CERT1: variants seen among roughly 807,000 people sequenced by gnomAD.
CERT1 encodes ceramide transporter 1.
In CERT1, 31 loss-of-function variants were observed where a neutral mutation model predicts 87.9. The observed-to-expected ratio is 0.35, with a 90% CI of 0.27 to 0.48. CERT1 has a LOEUF of 0.48. CERT1 is among the 20% of genes least tolerant of loss of function. The pLI is 0.99. For missense variants in CERT1, 487 were observed against 758.0 expected (o/e 0.64, Z 4.20); for synonymous variants, 289 against 250.9 (o/e 1.15, Z -1.44).
chr5:75,447,236 A>G (rs534182937), intron 3 of CERT1, among the ~76,000 whole-genome samples: 8 of 152,222 alleles, frequency 5.3e-5, no homozygotes, highest in Admixed American at 1.3e-4. Context: ...CAGAGTTTCA[A>G]AACAGTTATA....
intron 3 of CERT1, among the ~76,000 whole-genome samples, chr5:75,457,107 T>C (rs1765017045): frequency 6.6e-6 from 1 of 152,202 alleles, no homozygotes; most frequent in South Asian, 2.1e-4. Flanking sequence ...CTGGCCCTGA[T>C]TAAATAACAT....
chr5:75,391,441 A>C (rs1297666861), intron 11 of CERT1, among the ~76,000 whole-genome samples: 1 of 152,236 alleles, frequency 6.6e-6, no homozygotes, highest in East Asian at 1.9e-4. Flanking sequence ...TGTACTAAAT[A>C]AACACTAACA....
chr5:75,418,827 G>A (rs971499762), intron 6 of CERT1, among the ~76,000 whole-genome samples: 1 of 152,216 alleles, frequency 6.6e-6, no homozygotes, highest in African/African-American at 2.4e-5. Context: ...AGGAATGGGG[G>A]AGAGAGGAAT....
At chr5:75,511,731 C>G (rs897130986), upstream of CERT1, 2 of 1,548,488 alleles carry the variant, frequency 1.3e-6, no homozygotes, top group African/African-American at 2.7e-5. Flanking sequence ...ACACGCCGAG[C>G]CTTCGGGATC....
chr5:75,509,011 T>C (rs1580874132), intron 1 of CERT1, among the ~76,000 whole-genome samples: 1 of 152,282 alleles, frequency 6.6e-6, no homozygotes, highest in South Asian at 2.1e-4. Context: ...TTATTGTCTA[T>C]CTAGTATTTT....
At chr5:75,469,309 AATTT>A (rs1326771148) in intron 2 of CERT1, among the ~76,000 whole-genome samples, 5 of 152,186 alleles carry the variant, frequency 3.3e-5, no homozygotes, top group Non-Finnish European at 7.4e-5. Context: ...AAGCTTACGG[AATTT>A]ATGAGATAGC....
At chr5:75,388,504 A>C (rs1217435190) in intron 12 of CERT1, among the ~76,000 whole-genome samples, 1 of 150,796 alleles carries the variant, frequency 6.6e-6, no homozygotes, top group East Asian at 1.9e-4. Context: ...TAATTGTTTC[A>C]AATCACAGAG....
At chr5:75,441,392 A>G (rs900215785) in intron 3 of CERT1, among the ~76,000 whole-genome samples, 7 of 152,300 alleles carry the variant, frequency 4.6e-5, no homozygotes, top group African/African-American at 1.7e-4. Flanking sequence ...ATGCATCTCT[A>G]TTGTTAAGAA....
intron 2 of CERT1, among the ~76,000 whole-genome samples, chr5:75,478,034 C>A (rs1206916400): frequency 6.6e-6 from 1 of 152,048 alleles, no homozygotes; most frequent in Non-Finnish European, 1.5e-5. Context: ...AGGAAGAGGC[C>A]GGGCACAGTG....
rs1022249315 is a variant in CERT1, at chr5:75,382,151, T to C, written c.1489-74A>G. On this transcript the variant is annotated intron_variant, in intron 14 of 16. Transcript: ENST00000643780. ...ACAAGAGAAACGTAATGCCAATAAA[T>C]GTCTTAATTGAAGGTAAAATCTCTC... 5.0e-6 allele frequency: 7 copies of C among 1,389,718 alleles called. No homozygotes were observed. The African/African-American group carries it at 8.7e-5, about 17-fold the overall frequency. The allele number at this position is 1,389,718 out of a possible 1,614,324, so 86.1% of individuals were successfully genotyped here. A position where few individuals can be genotyped will look rare whatever the true frequency, so the allele number is the denominator to read the frequency against.
downstream of CERT1, chr5:75,375,789 C>T (rs1484431090): frequency 6.7e-6 from 1 of 149,490 alleles, no homozygotes; most frequent in Non-Finnish European, 1.5e-5. Flanking sequence ...TAAGAATGTT[C>T]GCTTTCCTAG....
At chr5:75,368,673 G>GA (rs1760977134) in intron 17 of CERT1, 2 of 152,204 alleles carry the variant, frequency 1.3e-5, no homozygotes, top group South Asian at 4.1e-4. Flanking sequence ...AGGACAGGAA[G>GA]AAAGTTTAAG....
At chr5:75,396,858 G>A (rs1419298789) in intron 11 of CERT1, among the ~76,000 whole-genome samples, 4 of 152,022 alleles carry the variant, frequency 2.6e-5, no homozygotes, top group Non-Finnish European at 5.9e-5. Flanking sequence ...TAGGGTGTGA[G>A]AACTGTAAAA....
At chr5:75,494,293 C>T (rs1328710906) in intron 2 of CERT1, among the ~76,000 whole-genome samples, 4 of 152,152 alleles carry the variant, frequency 2.6e-5, no homozygotes, top group Non-Finnish European at 5.9e-5. Context: ...TAGGTCAAAA[C>T]TTTTACGCTG....
chr5:75,451,171 T>C (rs187268231), intron 3 of CERT1, among the ~76,000 whole-genome samples: 2 of 152,182 alleles, frequency 1.3e-5, no homozygotes, highest in Non-Finnish European at 2.9e-5. Flanking sequence ...CTATCTACAT[T>C]GTGGTGTTTT....
At chr5:75,465,342 A>G (rs1466780801) in intron 2 of CERT1, among the ~76,000 whole-genome samples, 1 of 152,228 alleles carries the variant, frequency 6.6e-6, no homozygotes, top group African/African-American at 2.4e-5. Flanking sequence ...ATATCCTGCC[A>G]AACACTTGTG....
At chr5:75,419,258 A>G (rs546380663) in intron 6 of CERT1, 83 bp downstream of exon 6, 1 of 857,288 alleles carries the variant, frequency 1.2e-6, no homozygotes, top group East Asian at 2.8e-5. Context: ...TAAAAAATTA[A>G]TCAGGTAATT....
intron 11 of CERT1, among the ~76,000 whole-genome samples, chr5:75,393,019 CTAAG>C: frequency 1.3e-5 from 1 of 78,428 alleles, no homozygotes; most frequent in Non-Finnish European, 2.7e-5. Flanking sequence ...CAAGGAAATA[CTAAG>C]TTTCATTAAA....
At chr5:75,382,799 T>A (rs961438576) in intron 14 of CERT1, among the ~76,000 whole-genome samples, 4 of 152,016 alleles carry the variant, frequency 2.6e-5, no homozygotes, top group African/African-American at 9.7e-5. Flanking sequence ...ATTTGCAAGA[T>A]GAAATGATTC....
Sources: allele counts gnomAD v4.1 joint callset (sites outside exome capture counted in the v4.1 genomes callset), GRCh38; gene constraint gnomAD v4.1.1; transcripts MANE v1.5; gene names NCBI Gene and HGNC (gene_info 2026-07-23, HGNC 2026-07-21).